GPR183: variants seen among roughly 807,000 people sequenced by gnomAD.
GPR183 encodes the protein EBV-induced G-protein coupled receptor 2.
A neutral mutation model predicts 19.7 loss-of-function variants in GPR183; 9 were observed. That is an observed-to-expected ratio of 0.46 (90% CI 0.28 to 0.80). GPR183 has a LOEUF of 0.80. GPR183 is among the 30% of genes least tolerant of loss of function. The pLI, the probability that GPR183 is intolerant of heterozygous loss-of-function variation, is 0.13. For synonymous variants in GPR183, 160 were observed against 155.1 expected (o/e 1.03, Z -0.24); for missense variants, 368 against 446.7 (o/e 0.82, Z 1.59).
intron 1 of GPR183, among the ~76,000 whole-genome samples, chr13:99,300,251 G>T (rs903820017): frequency 6.6e-6 from 1 of 152,218 alleles, no homozygotes; most frequent in Non-Finnish European, 1.5e-5. Flanking sequence ...ACTGGAGGTG[G>T]CCAAAGAAAG....
rs1440024569 is a variant in GPR183, at chr13:99,295,063, C to T, written c.1083G>A (p.Lys361=). The part of the protein sequence containing the change: ...MMIHSKSSNG[K] ...ATAAACCAAAATACAATCCATTTCACTTTCCATTTGAAGACTTGGAATGTA... is the reference window on the plus strand; with the variant it reads ...ATAAACCAAAATACAATCCATTTCATTTTCCATTTGAAGACTTGGAATGTA... Residue 361 remains lysine, a synonymous_variant, in exon 2 of 2, where the codon AAG becomes AAA. Coordinates refer to ENST00000376414, the MANE Select transcript of GPR183 (RefSeq NM_004951.5). This position sits in a 1 kb window ranked among gnomAD's most constrained non-coding sequence, Gnocchi z 4.1. 1.1e-5 allele frequency: 18 copies of T among 1,612,344 alleles called. No individual in the cohort carries two copies. The highest frequency in any genetic ancestry group is 1.5e-5 in the Non-Finnish European group (18 of 1,179,164).
At chr13:99,296,942 G>C (rs1394064379) in intron 1 of GPR183, among the ~76,000 whole-genome samples, 3 of 152,150 alleles carry the variant, frequency 2.0e-5, no homozygotes, top group Non-Finnish European at 4.4e-5. Context: ...GCACATAGTA[G>C]CAAGCATCAC....
intron 1 of GPR183, among the ~76,000 whole-genome samples, chr13:99,298,149 G>A (rs971510337): frequency 1.3e-5 from 2 of 152,112 alleles, no homozygotes; most frequent in Admixed American, 1.3e-4. Context: ...CTATTATGAT[G>A]TGCTAGATAG....
chr13:99,296,003 C>T lies in GPR183; in HGVS notation c.143G>A (p.Gly48Glu). Residue 48 changes from glycine (G) to glutamate (E), a missense_variant, in exon 2 of 2, where the codon GGA (glycine) becomes GAA (glutamate). Transcript: ENST00000376414. ...AATGACGACCAAGGCTAGTAAGTTT[C>T]CCACGAGCCCAATGATGAAGACGAG... ...YSLVFIIGLVGNLLALVVIVQ... is the reference protein window; with the variant it reads ...YSLVFIIGLVENLLALVVIVQ... 6.2e-7 allele frequency: 1 copy of T among 1,611,596 alleles called. No homozygotes were observed. The highest frequency in any genetic ancestry group is 8.5e-7 in the Non-Finnish European group (1 of 1,178,842).
At chr13:99,297,672 A>T (rs755822067) in intron 1 of GPR183, among the ~76,000 whole-genome samples, 9 of 152,182 alleles carry the variant, frequency 5.9e-5, no homozygotes, top group Non-Finnish European at 1.3e-4. Context: ...ACATTTTATT[A>T]TCCAGAAAAG....
In GPR183 at chr13:99,296,089, A is replaced by G; in HGVS notation, c.57T>C (p.Asn19=). Reference sequence around the variant, plus strand: ...TGTGATGTGCATAGAGGTCACAGTCATTTCCCTGAGGAGTTGCAGAGGGCG... The same window carrying G: ...TGTGATGTGCATAGAGGTCACAGTCGTTTCCCTGAGGAGTTGCAGAGGGCG... ...FTPPSATPQG[N]DCDLYAHHST... is the part of the protein sequence containing the mutation. Residue 19 remains asparagine (N), a synonymous_variant, in exon 2 of 2, where the codon AAT becomes AAC. Coordinates refer to ENST00000376414, the MANE Select transcript of GPR183 (RefSeq NM_004951.5). The G allele has an allele frequency of 1.2e-5, 19 of 1,613,364 alleles. No homozygotes were observed. The highest frequency in any genetic ancestry group is 1.6e-5 in the Non-Finnish European group (19 of 1,179,578).
At chr13:99,296,269 T>A in intron 1 of GPR183, 106 bp from the exon 2 acceptor site, 1 of 841,072 alleles carries the variant, frequency 1.2e-6, no homozygotes, top group Non-Finnish European at 1.7e-6. Context: ...CAATCCAAAC[T>A]GTCTTTTATA....
rs184650610 is a variant in GPR183 at position 99,297,777 on chromosome 13, C to T, written c.-18-1614G>A. Among the ~76,000 whole-genome samples, 217 of 151,638 alleles carry T rather than the reference C, an allele frequency of 1.4e-3. 5 individuals are homozygous for T. Among genetic ancestry groups the T allele is most frequent in the Middle Eastern group, 3.4e-3 (1 of 294 alleles). On this transcript the variant is annotated intron_variant, in intron 1 of 1. Coordinates refer to ENST00000376414, the MANE Select transcript of GPR183 (RefSeq NM_004951.5). ...ACAAACTTAAATGGGTTGAGCTTGC[C>T]TATTACAGGACAGAGACTATCGGTT...
chr13:99,296,815 A>G (rs999502968), intron 1 of GPR183, among the ~76,000 whole-genome samples: 2 of 152,196 alleles, frequency 1.3e-5, no homozygotes, highest in Non-Finnish European at 2.9e-5. Context: ...AAGAAGAAAG[A>G]TAAAGAAAAT....
chr13:99,296,070 G>A lies in GPR183; in HGVS notation c.76C>T (p.His26Tyr). 2 of 1,613,908 alleles carry A rather than the reference G, an allele frequency of 1.2e-6. No individual in the cohort carries two copies. Among genetic ancestry groups the A allele is most frequent in the Non-Finnish European group, 1.7e-6 (2 of 1,179,938 alleles). ...ATTACTATCCTGGCCGTGCTGTGATGTGCATAGAGGTCACAGTCATTTCCC... is the reference window on the plus strand; with the variant it reads ...ATTACTATCCTGGCCGTGCTGTGATATGCATAGAGGTCACAGTCATTTCCC... ...PQGNDCDLYA[H>Y]HSTARIVMPL... The change falls in exon 2 of 2, where the codon CAT (histidine) becomes TAT (tyrosine). Residue 26 changes from histidine (H) to tyrosine (Y), a missense_variant. By Grantham distance (83) the His-to-Tyr change is moderately conservative. Transcript: ENST00000376414.
Position 99,295,032 on chromosome 13 carries a change from G to C in GPR183, c.*28C>G. The C allele has an allele frequency of 1.3e-6, 2 of 1,593,848 alleles. No homozygotes were observed. The highest frequency in any genetic ancestry group is 1.7e-6 in the Non-Finnish European group (2 of 1,169,988). On this transcript the variant is annotated 3_prime_UTR_variant, in exon 2 of 2. Coordinates refer to ENST00000376414, the MANE Select transcript of GPR183 (RefSeq NM_004951.5). This position sits in a 1 kb window ranked among gnomAD's most constrained non-coding sequence, Gnocchi z 4.1. ...CTGCAAAGTTTGTCATACAGTTTAC[G>C]TCACTATAAACCAAAATACAATCCA...
At chr13:99,304,234 CTG>C (rs1448804131) in intron 1 of GPR183, among the ~76,000 whole-genome samples, 3 of 152,196 alleles carry the variant, frequency 2.0e-5, no homozygotes, top group Non-Finnish European at 4.4e-5. Flanking sequence ...CCTCACAACT[CTG>C]TGCCCGGTAA....
intron 1 of GPR183, among the ~76,000 whole-genome samples, chr13:99,306,998 T>C (rs1009299563): frequency 2.0e-5 from 3 of 152,238 alleles, no homozygotes; most frequent in Admixed American, 6.5e-5. Flanking sequence ...TTCCTTTTCC[T>C]TCATACTAAG....
At chr13:99,305,377 A>G (rs2044318031) in intron 1 of GPR183, among the ~76,000 whole-genome samples, 1 of 152,206 alleles carries the variant, frequency 6.6e-6, no homozygotes, top group South Asian at 2.1e-4. Flanking sequence ...CGTCCTCTAC[A>G]CAGGCCACGT....
intron 1 of GPR183, among the ~76,000 whole-genome samples, chr13:99,303,728 A>C (rs1343927486): frequency 6.6e-6 from 1 of 152,118 alleles, no homozygotes; most frequent in Non-Finnish European, 1.5e-5. Flanking sequence ...TTTCTCTTTC[A>C]AGTTCAAGGA....
intron 1 of GPR183, among the ~76,000 whole-genome samples, chr13:99,302,938 T>C (rs1727079261): frequency 6.6e-6 from 1 of 152,232 alleles, no homozygotes; most frequent in African/African-American, 2.4e-5. Flanking sequence ...CCATGATTCA[T>C]TTTTTAGAAG....
Position 99,294,841 on chromosome 13 carries a change from T to C in GPR183, c.*219A>G. The C allele has an allele frequency of 2.4e-6, 1 of 423,560 alleles. No homozygotes were observed. Among genetic ancestry groups the C allele is most frequent in the Non-Finnish European group, 4.1e-6 (1 of 242,302 alleles). The allele number at this position is 423,560 out of a possible 1,614,324, so 26.2% of individuals were successfully genotyped here. On this transcript the variant is annotated 3_prime_UTR_variant, in exon 2 of 2. Coordinates refer to ENST00000376414, the MANE Select transcript of GPR183 (RefSeq NM_004951.5). ...TCCTTTTGGTGTATTCGTTTACAAA[T>C]AAAAATGAAATATTTATTTGCATTT...
Position 99,295,638 on chromosome 13 carries a change from G to C in GPR183, c.508C>G (p.Pro170Ala), listed in dbSNP as rs752311419. The change falls in exon 2 of 2, where the codon CCT becomes GCT. Residue 170 changes from proline (P) to alanine (A), a missense_variant. Coordinates refer to ENST00000376414, the MANE Select transcript of GPR183 (RefSeq NM_004951.5). This position sits in a 1 kb window ranked among gnomAD's most constrained non-coding sequence, Gnocchi z 4.1. ...CTTTCAGCCTCCTGCTTTGACATAG[G>C]GTTGATGAGGAGTGGGAGTGTCTGA... is the stretch of plus-strand genomic sequence containing the variant. ...FAQTLPLLIN[P>A]MSKQEAERIT... 2 of 1,614,152 alleles carry C rather than the reference G, an allele frequency of 1.2e-6. No individual in the cohort carries two copies. Among genetic ancestry groups the C allele is most frequent in the Middle Eastern group, 1.6e-4 (1 of 6,062 alleles).
In GPR183 at chr13:99,296,087, T is replaced by G. The variant is rs755032788; in HGVS notation, c.59A>C (p.Asp20Ala). The G allele has an allele frequency of 1.2e-5, 19 of 1,613,434 alleles. 1 individual carries two copies. The South Asian group carries it at 1.9e-4, about 16-fold the overall frequency. The change falls in exon 2 of 2, where the codon GAC becomes GCC. Residue 20 changes from aspartate to alanine, a missense_variant. By Grantham distance (126) the Asp-to-Ala change is moderately radical. Coordinates refer to ENST00000376414, the MANE Select transcript of GPR183 (RefSeq NM_004951.5). ...TPPSATPQGN[D>A]CDLYAHHSTA... Reference sequence around the variant, plus strand: ...GCTGTGATGTGCATAGAGGTCACAGTCATTTCCCTGAGGAGTTGCAGAGGG... The same window carrying G: ...GCTGTGATGTGCATAGAGGTCACAGGCATTTCCCTGAGGAGTTGCAGAGGG...
Sources: allele counts gnomAD v4.1 joint callset (sites outside exome capture counted in the v4.1 genomes callset), GRCh38; gene constraint gnomAD v4.1.1; non-coding constraint Gnocchi (gnomAD v3.1); transcripts MANE v1.5; gene names NCBI Gene and HGNC (gene_info 2026-07-23, HGNC 2026-07-21).